The following LSAMP variants were observed in gnomAD, a reference collection of about 807,000 sequenced individuals.
LSAMP encodes the protein limbic system associated membrane protein.
Under a neutral mutation model 38.6 loss-of-function variants are expected in LSAMP, and 7 were observed. The observed-to-expected ratio is 0.18, with a 90% CI of 0.10 to 0.34. LSAMP has a LOEUF of 0.34. Ranked by LOEUF, LSAMP falls within the 10% of genes least tolerant of loss-of-function variation. The pLI, the probability that LSAMP is intolerant of heterozygous loss-of-function variation, is 1.00. For missense variants in LSAMP, 313 were observed against 420.0 expected (o/e 0.75, Z 2.23); for synonymous variants, 154 against 166.8 (o/e 0.92, Z 0.59).
intron 1 of LSAMP, among the ~76,000 whole-genome samples, chr3:116,088,941 G>C (rs1161218899): frequency 6.6e-6 from 1 of 152,090 alleles, no homozygotes; most frequent in East Asian, 1.9e-4. Context: ...TGCAGATACA[G>C]GACATTTGGT....
At chr3:116,258,474 A>G (rs1010689223) in intron 1 of LSAMP, among the ~76,000 whole-genome samples, 1 of 152,064 alleles carries the variant, frequency 6.6e-6, no homozygotes, top group Non-Finnish European at 1.5e-5. Context: ...TTAAAGTAGT[A>G]AACAGAATGT....
intron 1 of LSAMP, among the ~76,000 whole-genome samples, chr3:116,230,755 A>G (rs2046394494): frequency 6.6e-6 from 1 of 152,162 alleles, no homozygotes; most frequent in Admixed American, 6.5e-5. Context: ...TTACAGTACT[A>G]GTAATTAATG....
intron 1 of LSAMP, among the ~76,000 whole-genome samples, chr3:116,247,898 T>C (rs2046624664): frequency 6.6e-6 from 1 of 152,350 alleles, no homozygotes; most frequent in South Asian, 2.1e-4. Flanking sequence ...ACCTAAATTA[T>C]AGTGAAACAT....
At chr3:116,413,984 T>C (rs1295015324) in intron 1 of LSAMP, among the ~76,000 whole-genome samples, 1 of 151,872 alleles carries the variant, frequency 6.6e-6, no homozygotes, top group Non-Finnish European at 1.5e-5. Context: ...TGCATGTCTC[T>C]AATAGTTAAT....
At chr3:116,074,497 A>G (rs1466118857) in intron 2 of LSAMP, among the ~76,000 whole-genome samples, 2 of 152,162 alleles carry the variant, frequency 1.3e-5, no homozygotes, top group Admixed American at 1.3e-4. Context: ...TTTTATTTCT[A>G]TACACACAGA....
intron 1 of LSAMP, among the ~76,000 whole-genome samples, chr3:116,283,641 A>C (rs1245266153): frequency 6.6e-6 from 1 of 152,166 alleles, no homozygotes; most frequent in Admixed American, 6.5e-5. Flanking sequence ...ATAAATTTTA[A>C]AGAGATTCTG....
intron 1 of LSAMP, among the ~76,000 whole-genome samples, chr3:116,193,373 G>C (rs1710800743): frequency 6.6e-6 from 1 of 152,150 alleles, no homozygotes; most frequent in Admixed American, 6.5e-5. Flanking sequence ...TGTCATAATA[G>C]ACATGACTGA....
intron 1 of LSAMP, among the ~76,000 whole-genome samples, chr3:116,164,601 A>AAT (rs36047780): frequency 0.058 from 6,186 of 107,106 alleles, 449 homozygotes; most frequent in African/African-American, 0.068. Context: ...ATATAATCCA[A>AAT]ATATATATAT....
At chr3:115,825,407 G>C (rs1031058245) in intron 6 of LSAMP, among the ~76,000 whole-genome samples, 3 of 152,134 alleles carry the variant, frequency 2.0e-5, no homozygotes, top group Admixed American at 6.5e-5. Flanking sequence ...ATTATAGCCA[G>C]GTCCTTGTGC....
intron 3 of LSAMP, among the ~76,000 whole-genome samples, chr3:115,927,162 G>A (rs773589371): frequency 4.1e-4 from 62 of 152,080 alleles, no homozygotes; most frequent in Non-Finnish European, 8.2e-4. Context: ...GGTGCTTTGG[G>A]AGAAATCACA....
intron 1 of LSAMP, among the ~76,000 whole-genome samples, chr3:116,401,475 T>C (rs1359259326): frequency 6.6e-6 from 1 of 152,106 alleles, no homozygotes; most frequent in African/African-American, 2.4e-5. Flanking sequence ...AGAGACAGGG[T>C]TTCACCATGT....
intron 1 of LSAMP, among the ~76,000 whole-genome samples, chr3:116,288,496 T>TG (rs1408254790): frequency 6.6e-6 from 1 of 152,232 alleles, no homozygotes; most frequent in African/African-American, 2.4e-5. Context: ...GATTCTTCAC[T>TG]GGGGACCCAT....
At chr3:116,301,653 C>A (rs958610994) in intron 1 of LSAMP, among the ~76,000 whole-genome samples, 1 of 152,144 alleles carries the variant, frequency 6.6e-6, no homozygotes. Context: ...GGAGATATAA[C>A]TGGGCCCCAT....
intron 1 of LSAMP, among the ~76,000 whole-genome samples, chr3:116,335,083 A>C (rs1167693034): frequency 6.6e-6 from 1 of 151,922 alleles, no homozygotes; most frequent in Non-Finnish European, 1.5e-5. Context: ...TAATAATAAT[A>C]ATGAATAATC....
chr3:116,096,068 C>T (rs1209555169), intron 1 of LSAMP, among the ~76,000 whole-genome samples: 4 of 152,138 alleles, frequency 2.6e-5, no homozygotes, highest in Non-Finnish European at 5.9e-5. Flanking sequence ...ATCATAGTAT[C>T]TACCTTGTTT....
chr3:115,815,175 A>G (rs1331571521), intron 6 of LSAMP, among the ~76,000 whole-genome samples: 1 of 152,210 alleles, frequency 6.6e-6, no homozygotes, highest in African/African-American at 2.4e-5. Flanking sequence ...TAACATTCAC[A>G]TAACTTTTAT....
chr3:115,963,112 T>G (rs1214084586), intron 3 of LSAMP, among the ~76,000 whole-genome samples: 2 of 152,210 alleles, frequency 1.3e-5, no homozygotes, highest in Non-Finnish European at 2.9e-5. Context: ...TAAAAGTTTC[T>G]GAACAACTTG....
At chr3:115,987,221 G>A (rs1939534785) in intron 3 of LSAMP, among the ~76,000 whole-genome samples, 1 of 152,136 alleles carries the variant, frequency 6.6e-6, no homozygotes, top group African/African-American at 2.4e-5. Flanking sequence ...AGCCTCCCCT[G>A]TGGTTAGTCT....
At chr3:116,109,390 T>C (rs1708545978) in intron 1 of LSAMP, among the ~76,000 whole-genome samples, 1 of 151,782 alleles carries the variant, frequency 6.6e-6, no homozygotes, top group Non-Finnish European at 1.5e-5. Context: ...GATAGGTCTG[T>C]AGAAAAGGAA....
Sources: allele counts gnomAD v4.1 joint callset (sites outside exome capture counted in the v4.1 genomes callset), GRCh38; gene constraint gnomAD v4.1.1; transcripts MANE v1.5; gene names NCBI Gene and HGNC (gene_info 2026-07-23, HGNC 2026-07-21).